The following DOCK2 variants were observed in gnomAD, a reference collection of about 807,000 sequenced individuals.
DOCK2 encodes dedicator of cytokinesis 2.
Under a neutral mutation model 248.9 loss-of-function variants are expected in DOCK2, and 87 were observed. That is an observed-to-expected ratio of 0.35 (90% CI 0.29 to 0.42). The LOEUF is 0.42. Among genes scored for constraint, DOCK2 ranks in the 10% least tolerant of loss-of-function variants. The pLI is 1.00. For missense variants in DOCK2, 1,747 were observed against 2,300.2 expected, an observed-to-expected ratio of 0.76 and a Z score of 4.92; for synonymous variants, 805 against 821.6, an observed-to-expected ratio of 0.98 and a Z score of 0.35.
At chr5:169,804,869 T>G (rs899515437) in intron 26 of DOCK2, among the ~76,000 whole-genome samples, 2 of 152,160 alleles carry the variant, frequency 1.3e-5, no homozygotes, top group Admixed American at 6.5e-5. Context: ...GGAAAGACAG[T>G]ATAATAACCA....
At chr5:169,940,435 G>T (rs563776800) in intron 27 of DOCK2, among the ~76,000 whole-genome samples, 1 of 152,326 alleles carries the variant, frequency 6.6e-6, no homozygotes, top group South Asian at 2.1e-4. Flanking sequence ...CACAGACCGG[G>T]AGGAGGATTC....
chr5:169,943,333 T>C (rs1257912100), intron 27 of DOCK2, among the ~76,000 whole-genome samples: 2 of 152,156 alleles, frequency 1.3e-5, no homozygotes, highest in African/African-American at 4.8e-5. Context: ...GATCCCACCC[T>C]GAGATCCAGG....
intron 26 of DOCK2, among the ~76,000 whole-genome samples, chr5:169,807,750 C>T (rs547823970): frequency 4.3e-4 from 59 of 138,352 alleles, no homozygotes; most frequent in Admixed American, 7.2e-4. Context: ...AGGAGAATGG[C>T]GTGAATCTGG....
intron 27 of DOCK2, chr5:169,882,456 A>G (rs1234092631): frequency 9.8e-7 from 1 of 1,020,608 alleles, no homozygotes; most frequent in Non-Finnish European, 1.4e-6. Context: ...AACATTTTGG[A>G]GACATTTTTA....
chr5:169,734,987 T>C (rs755563655), intron 22 of DOCK2, among the ~76,000 whole-genome samples: 2 of 152,330 alleles, frequency 1.3e-5, no homozygotes, highest in South Asian at 2.1e-4. Context: ...TATTCCTTAC[T>C]TTCTTGACAG....
At chr5:170,059,145 A>G (rs959268156) in intron 44 of DOCK2, among the ~76,000 whole-genome samples, 4 of 150,492 alleles carry the variant, frequency 2.7e-5, no homozygotes, top group African/African-American at 9.9e-5. Context: ...TGGACTCTTT[A>G]TCTTTTTTTC....
At chr5:170,039,811 TCAGG>T in intron 36 of DOCK2, among the ~76,000 whole-genome samples, 1 of 152,156 alleles carries the variant, frequency 6.6e-6, no homozygotes, top group South Asian at 2.1e-4. Context: ...AGACAGTGGG[TCAGG>T]GTAGAATGCT....
At chr5:169,922,672 G>C (rs1775237749) in intron 27 of DOCK2, among the ~76,000 whole-genome samples, 1 of 152,202 alleles carries the variant, frequency 6.6e-6, no homozygotes, top group Non-Finnish European at 1.5e-5. Context: ...TAAGTGATTT[G>C]TATATGGTCA....
In DOCK2 at chr5:170,076,077, G is replaced by A. The variant is rs567162342; in HGVS notation, c.4859G>A (p.Arg1620Gln). The change falls in exon 47 of 52, where the codon CGA becomes CAA. Residue 1620 changes from arginine (R) to glutamine (Q), a missense_variant. Physicochemically the swap from Arg to Gln is conservative, Grantham distance 43. Transcript: ENST00000520908. ...AAGGTGGAGAAGGAGTACGGTGTCC[G>A]AGAGATGGTATGGGTGGTTCCTATG... ...KMKVEKEYGV[R>Q]EMPDFDDRRV... 4 of 1,605,068 alleles carry A rather than the reference G, an allele frequency of 2.5e-6. No homozygotes were observed. The highest frequency in any genetic ancestry group is 4.5e-5 in the East Asian group (2 of 44,476).
chr5:169,778,621 TAG>T (rs1204117174), intron 25 of DOCK2, among the ~76,000 whole-genome samples: 2 of 152,218 alleles, frequency 1.3e-5, no homozygotes, highest in Non-Finnish European at 2.9e-5. Context: ...ACTTGCCTGG[TAG>T]AGTCATTTTG....
At chr5:169,847,588 A>G (rs1450636869) in intron 27 of DOCK2, among the ~76,000 whole-genome samples, 2 of 152,170 alleles carry the variant, frequency 1.3e-5, no homozygotes, top group Non-Finnish European at 2.9e-5. Context: ...GCAATAAACT[A>G]TACCATATTT....
At chr5:169,752,630 G>A (rs1461535041) in intron 23 of DOCK2, among the ~76,000 whole-genome samples, 4 of 151,908 alleles carry the variant, frequency 2.6e-5, no homozygotes, top group Admixed American at 6.6e-5. Context: ...CATGCCTAGT[G>A]GTGTATGCTT....
At chr5:169,826,419 T>TG (rs371329757) in intron 26 of DOCK2, among the ~76,000 whole-genome samples, 18 of 151,938 alleles carry the variant, frequency 1.2e-4, no homozygotes, top group Non-Finnish European at 2.5e-4. Flanking sequence ...CTCTCATCTC[T>TG]GGGGGGGACG....
rs1755535589 is a variant in DOCK2, at chr5:170,016,267, A to T, written c.3233-2693A>T. On this transcript the variant is annotated intron_variant, in intron 32 of 51. Coordinates refer to ENST00000520908, the MANE Select transcript of DOCK2 (RefSeq NM_004946.3). Reference sequence around the variant, plus strand: ...TTACATGAAAAAGACCCTCTTAGTAAATGCCCTTCCTTGGCTTTTCTCGAA... The same window carrying T: ...TTACATGAAAAAGACCCTCTTAGTATATGCCCTTCCTTGGCTTTTCTCGAA... Among the ~76,000 whole-genome samples the T allele has an allele frequency of 3.9e-5, 6 of 152,206 alleles. 1 individual carries two copies. In the South Asian group the frequency reaches 1.2e-3, roughly 32 times the overall value.
chr5:170,079,088 A>G lies in DOCK2; in HGVS notation c.5108A>G (p.Lys1703Arg), dbSNP rs1201664335. The change falls in exon 49 of 52, where the codon AAG becomes AGG. Residue 1703 changes from lysine to arginine, a missense_variant. Physicochemically the swap from Lys to Arg is conservative, Grantham distance 26 (BLOSUM62 2). Around this residue, in one of 4 missense-constraint regions of DOCK2, gnomAD observed 513 missense variants for 586.1 expected, o/e 0.88. Transcript: ENST00000520908. ...VKLRRSKKRT[K>R]RSSVVFADEK... ...CTGCGGAGGTCCAAGAAGAGGACAAAGAGAAGCAGCGTAGTTTTTGCGGAT... is the reference window on the plus strand; with the variant it reads ...CTGCGGAGGTCCAAGAAGAGGACAAGGAGAAGCAGCGTAGTTTTTGCGGAT... 1 of 1,614,034 alleles carries G rather than the reference A, an allele frequency of 6.2e-7. No individual in the cohort carries two copies. The highest frequency in any genetic ancestry group is 8.5e-7 in the Non-Finnish European group (1 of 1,180,040).
chr5:169,945,637 T>C (rs1178439231), intron 27 of DOCK2, among the ~76,000 whole-genome samples: 1 of 152,318 alleles, frequency 6.6e-6, no homozygotes. Flanking sequence ...CTGGCTGAGC[T>C]GCATCTGCAG....
intron 27 of DOCK2, among the ~76,000 whole-genome samples, chr5:169,882,231 T>TC (rs1175414506): frequency 2.0e-5 from 3 of 152,136 alleles, no homozygotes; most frequent in African/African-American, 7.2e-5. Flanking sequence ...GCTATCATTT[T>TC]CCCCCATCAT....
intron 32 of DOCK2, among the ~76,000 whole-genome samples, chr5:170,014,412 A>T (rs1331748534): frequency 6.6e-6 from 1 of 152,142 alleles, no homozygotes; most frequent in Non-Finnish European, 1.5e-5. Flanking sequence ...CAATACATTT[A>T]ACACCATATT....
intron 27 of DOCK2, among the ~76,000 whole-genome samples, chr5:169,909,554 G>A (rs2113614165): frequency 6.6e-6 from 1 of 152,336 alleles, no homozygotes; most frequent in Admixed American, 6.5e-5. Context: ...TGCAAGGTGA[G>A]TATTATTATC....
Sources: gnomAD v4.1 joint callset for allele counts (sites outside exome capture counted in the v4.1 genomes callset) on GRCh38, gnomAD v4.1.1 for gene constraint, gnomAD v4.1.1 regional missense constraint, MANE v1.5 for transcripts, NCBI Gene and HGNC (gene_info 2026-07-23, HGNC 2026-07-21) for gene names.